SUSD5: variants seen among roughly 807,000 people sequenced by gnomAD.
SUSD5 encodes the protein sushi domain containing 5.
Under a neutral mutation model 29.5 loss-of-function variants are expected in SUSD5, and 33 were observed. The ratio of observed to expected loss-of-function variants is 1.12; its 90% CI spans 0.85 to 1.49. The LOEUF (loss-of-function observed/expected upper bound fraction) is 1.49. Ranked by LOEUF, SUSD5 falls within the 40% of genes most tolerant of loss-of-function variation. The pLI, the probability that SUSD5 is intolerant of heterozygous loss-of-function variation, is 0.00. For synonymous variants in SUSD5, 308 were observed against 325.3 expected, an observed-to-expected ratio of 0.95 and a Z score of 0.57; for missense variants, 776 against 800.6, an observed-to-expected ratio of 0.97 and a Z score of 0.37.
At chr3:33,177,832 G>A (rs539080185) in intron 3 of SUSD5, among the ~76,000 whole-genome samples, 3 of 152,208 alleles carry the variant, frequency 2.0e-5, no homozygotes, top group South Asian at 2.1e-4. Flanking sequence ...CAGAACGTGC[G>A]GGTTTGTTAC....
At chr3:33,202,294 G>T (rs1341085532) in intron 3 of SUSD5, among the ~76,000 whole-genome samples, 2 of 152,108 alleles carry the variant, frequency 1.3e-5, no homozygotes, top group Non-Finnish European at 2.9e-5. Context: ...ATCACAGCTG[G>T]AAAATTTCCC....
intron 4 of SUSD5, among the ~76,000 whole-genome samples, chr3:33,156,670 A>C (rs527562896): frequency 6.6e-6 from 1 of 152,306 alleles, no homozygotes; most frequent in Non-Finnish European, 1.5e-5. Flanking sequence ...AAATGCACAG[A>C]GCTCCAGAGC....
intron 2 of SUSD5, 93 bp downstream of exon 2, chr3:33,213,835 G>A: frequency 2.2e-6 from 3 of 1,359,736 alleles, no homozygotes; most frequent in South Asian, 2.9e-5. Flanking sequence ...TACTCTGCCT[G>A]TATGGTACCT....
At chr3:33,213,863 A>T (rs1248674031) in intron 2 of SUSD5, 65 bp downstream of exon 2, 4 of 1,483,454 alleles carry the variant, frequency 2.7e-6, no homozygotes, top group Admixed American at 2.1e-5. Flanking sequence ...ACAATTACTG[A>T]GTCCTATATA....
At chr3:33,163,954 C>T (rs1428916239) in intron 4 of SUSD5, among the ~76,000 whole-genome samples, 5 of 152,082 alleles carry the variant, frequency 3.3e-5, no homozygotes, top group Admixed American at 6.6e-5. Context: ...GAGCCGAGAT[C>T]GCACCACTGC....
At position 33,151,385 on chromosome 3, in the gene SUSD5, A is replaced by G. The variant is rs2030873888; in HGVS notation, c.*1357T>C. 6.6e-6 allele frequency: 1 copy of G among 152,262 alleles called. No individual in the cohort carries two copies. Among genetic ancestry groups the G allele is most frequent in the Non-Finnish European group, 1.5e-5 (1 of 68,074 alleles). 9.4% of individuals were successfully genotyped at this position (152,262 alleles called of 1,614,324 possible). Reference sequence around the variant, plus strand: ...TGATTTAGATGCTACGAAATGGGTTACCCAACAGACAGGATGGATTCTGTT... The same window carrying G: ...TGATTTAGATGCTACGAAATGGGTTGCCCAACAGACAGGATGGATTCTGTT... On this transcript the variant is annotated 3_prime_UTR_variant, in exon 5 of 5. Transcript: ENST00000309558.
chr3:33,171,343 C>A (rs1210714583), intron 4 of SUSD5, among the ~76,000 whole-genome samples: 2 of 130,728 alleles, frequency 1.5e-5, no homozygotes, highest in Non-Finnish European at 3.5e-5. Context: ...GAGACTCCTT[C>A]TTAAAAAAAA....
chr3:33,164,440 A>G (rs1175423061), intron 4 of SUSD5, among the ~76,000 whole-genome samples: 3 of 152,228 alleles, frequency 2.0e-5, no homozygotes, highest in Non-Finnish European at 2.9e-5. Context: ...TATGCTTAAC[A>G]CTACTTATCT....
chr3:33,217,702 T>TC (rs2032449508), intron 1 of SUSD5, among the ~76,000 whole-genome samples: 1 of 152,040 alleles, frequency 6.6e-6, no homozygotes, highest in Admixed American at 6.6e-5. Context: ...TTTTTTTTTT[T>TC]TCCCCATGTC....
chr3:33,153,369 C>G lies in SUSD5; in HGVS notation c.1263G>C (p.Lys421Asn). Residue 421 changes from lysine to asparagine, a missense_variant, in exon 5 of 5, where the codon AAG becomes AAC. Physicochemically the swap from Lys to Asn is moderately conservative, Grantham distance 94. Coordinates refer to ENST00000309558, the MANE Select transcript of SUSD5 (RefSeq NM_015551.2). ...CCTCGCTTGGTGTGAGGGTGCTACT[C>G]TTGGGCTTCTTAACTTCCACAAGAA... ...QPILVEVKKPKSSTLTPSEGM... is the reference protein window; with the variant it reads ...QPILVEVKKPNSSTLTPSEGM... The G allele has an allele frequency of 6.2e-7, 1 of 1,613,892 alleles. No individual in the cohort carries two copies. Among genetic ancestry groups the G allele is most frequent in the Non-Finnish European group, 8.5e-7 (1 of 1,179,842 alleles).
At position 33,152,481 on chromosome 3, in the gene SUSD5, A is replaced by G. The variant is rs1048397378; in HGVS notation, c.*261T>C. On this transcript the variant is annotated 3_prime_UTR_variant, in exon 5 of 5. Coordinates refer to ENST00000309558, the MANE Select transcript of SUSD5 (RefSeq NM_015551.2). ...CGATTTTTGACCTCACACTGGAAAC[A>G]GGGCCCAAGCACAGGTCTGGGATTA... is the stretch of plus-strand genomic sequence containing the variant. 3 of 436,120 alleles carry G rather than the reference A, an allele frequency of 6.9e-6. No individual in the cohort carries two copies. The Admixed American group carries it at 1.2e-4, about 17-fold the overall frequency. 27.0% of individuals were successfully genotyped at this position (436,120 alleles called of 1,614,324 possible).
At chr3:33,184,715 A>G (rs972235368) in intron 3 of SUSD5, among the ~76,000 whole-genome samples, 2 of 152,052 alleles carry the variant, frequency 1.3e-5, no homozygotes, top group African/African-American at 4.8e-5. Flanking sequence ...TGATGAGCCT[A>G]TTTCTGTTAC....
chr3:33,163,364 T>G (rs1245325151), intron 4 of SUSD5, among the ~76,000 whole-genome samples: 2 of 151,946 alleles, frequency 1.3e-5, no homozygotes, highest in East Asian at 3.8e-4. Context: ...TAAGTATATA[T>G]TAAAAGTTAA....
intron 4 of SUSD5, among the ~76,000 whole-genome samples, chr3:33,162,152 C>A (rs1018455115): frequency 6.6e-6 from 1 of 152,132 alleles, no homozygotes; most frequent in African/African-American, 2.4e-5. Flanking sequence ...CAAAAAATTA[C>A]TTAAAAATTC....
At chr3:33,154,995 C>A (rs181427040) in intron 4 of SUSD5, among the ~76,000 whole-genome samples, 4 of 152,118 alleles carry the variant, frequency 2.6e-5, no homozygotes, top group Admixed American at 6.5e-5. Context: ...AAGAAAAAGC[C>A]GGAAGACATA....
rs2030960282 is a variant in SUSD5, at chr3:33,153,307, A to G, written c.1325T>C (p.Leu442Pro). 6.2e-7 allele frequency: 1 copy of G among 1,613,900 alleles called. No individual in the cohort carries two copies. The highest frequency in any genetic ancestry group is 8.5e-7 in the Non-Finnish European group (1 of 1,179,860). ...THSSVLPSQM[L>P]DVEALALRPV... The stretch of plus-strand genomic sequence containing the variant: ...TCTGAGCGCCAAAGCTTCCACATCT[A>G]GCATTTGAGATGGAAGAACTGAACT... The change falls in exon 5 of 5, where the codon CTA becomes CCA. Residue 442 changes from leucine (L) to proline (P), a missense_variant. Physicochemically the swap from Leu to Pro is moderately conservative, Grantham distance 98. Transcript: ENST00000309558.
chr3:33,216,383 C>T (rs2032427970), intron 1 of SUSD5, among the ~76,000 whole-genome samples: 1 of 152,128 alleles, frequency 6.6e-6, no homozygotes, highest in Non-Finnish European at 1.5e-5. Flanking sequence ...GATGATCTCA[C>T]ACCAAAACAA....
chr3:33,184,101 C>T (rs1265840368), intron 3 of SUSD5, among the ~76,000 whole-genome samples: 1 of 151,578 alleles, frequency 6.6e-6, no homozygotes, highest in Non-Finnish European at 1.5e-5. Context: ...CCACACCTGG[C>T]TACTTTTTTT....
chr3:33,175,986 T>C (rs2031544664), intron 3 of SUSD5, among the ~76,000 whole-genome samples: 1 of 152,250 alleles, frequency 6.6e-6, no homozygotes, highest in Non-Finnish European at 1.5e-5. Context: ...CCCAAAGTCC[T>C]CTGTGCTCTG....
Sources: gnomAD v4.1 joint callset for allele counts (sites outside exome capture counted in the v4.1 genomes callset) on GRCh38, gnomAD v4.1.1 for gene constraint, MANE v1.5 for transcripts, NCBI Gene and HGNC (gene_info 2026-07-23, HGNC 2026-07-21) for gene names.